The following ABCA13 variants were observed in gnomAD, a reference collection of about 807,000 sequenced individuals.
ABCA13 encodes ATP-binding cassette sub-family A member 13.
ABCA13 carries 476 observed loss-of-function variants against 478.7 expected under a neutral mutation model. That is an observed-to-expected ratio of 0.99 (90% CI 0.92 to 1.07). The LOEUF (loss-of-function observed/expected upper bound fraction) is 1.07, where lower values mean the gene tolerates loss of function less well. ABCA13 is among the 50% of genes least tolerant of loss of function. The probability of loss-of-function intolerance (pLI) is 0.00; values close to 1 mark genes in which losing one functional copy is unlikely to be tolerated. For synonymous variants in ABCA13, 2,252 were observed against 2,158.9 expected, an observed-to-expected ratio of 1.04 and a Z score of -1.20; for missense variants, 6,060 against 5,910.6, an observed-to-expected ratio of 1.03 and a Z score of -0.83.
At chr7:48,372,979 A>C (rs1052084444) in intron 33 of ABCA13, among the ~76,000 whole-genome samples, 1 of 152,212 alleles carries the variant, frequency 6.6e-6, no homozygotes, top group African/African-American at 2.4e-5. Flanking sequence ...TGTAACATCA[A>C]ATACGTAGAA....
chr7:48,500,545 A>G lies in ABCA13; in HGVS notation c.13292-5791A>G, dbSNP rs368674009. Among the ~76,000 whole-genome samples the G allele has an allele frequency of 1.3e-4, 20 of 152,304 alleles. 1 individual carries two copies. In the South Asian group the frequency reaches 3.9e-3, roughly 30 times the overall value. ...ACCAATTTAAAGATATATTTGCTTG[A>G]TTTTTAATGTATGTTTAATTCTATG... On this transcript the variant is annotated intron_variant, in intron 48 of 61. Coordinates refer to ENST00000435803, the MANE Select transcript of ABCA13 (RefSeq NM_152701.5).
rs116245503 is a variant in ABCA13 at position 48,417,017 on chromosome 7, A to G, written c.12459+4434A>G. ...AGTTTTTATTTTTCCCATAGTCATG[A>G]TGTTCATGGTGACATAATTTCTTTT... On this transcript the variant is annotated intron_variant, in intron 41 of 61. Transcript: ENST00000435803. 4.7e-3 allele frequency among the ~76,000 whole-genome samples: 713 copies of G among 151,676 alleles called. 7 individuals carry two copies. Among genetic ancestry groups the G allele is most frequent in the African/African-American group, 0.016 (659 of 41,302 alleles).
chr7:48,595,296 CT>C (rs1790168923), intron 58 of ABCA13, among the ~76,000 whole-genome samples: 1 of 152,148 alleles, frequency 6.6e-6, no homozygotes, highest in South Asian at 2.1e-4. Context: ...TTCTTTTTAA[CT>C]TTCTAATACA....
intron 45 of ABCA13, among the ~76,000 whole-genome samples, chr7:48,478,949 T>C (rs1828445571): frequency 3.2e-5 from 1 of 30,992 alleles, no homozygotes; most frequent in South Asian, 1.0e-3. Context: ...AAATCTACTC[T>C]TTTTTTTTTT....
chr7:48,350,962 C>T, intron 30 of ABCA13, 143 bp downstream of exon 30: 5 of 925,680 alleles, frequency 5.4e-6, no homozygotes, highest in Non-Finnish European at 7.9e-6. Context: ...TAAAGCAGAA[C>T]TGTTTACCTT....
chr7:48,625,328 T>G (rs1442815098), intron 59 of ABCA13, among the ~76,000 whole-genome samples: 1 of 152,200 alleles, frequency 6.6e-6, no homozygotes, highest in Non-Finnish European at 1.5e-5. Flanking sequence ...ATTCAGTATG[T>G]TTATGTCACT....
chr7:48,278,200 A>G lies in ABCA13; in HGVS notation c.7006A>G (p.Ile2336Val), dbSNP rs757736376. 3 of 1,598,320 alleles carry G rather than the reference A, an allele frequency of 1.9e-6. No individual in the cohort carries two copies. The highest frequency in any genetic ancestry group is 3.4e-5 in the Admixed American group (2 of 58,714). Residue 2336 changes from isoleucine to valine, a missense_variant, in exon 18 of 62, where the codon ATA becomes GTA. This residue lies in a region of ABCA13 where 4,423 missense variants were observed against 4,309.1 expected (regional missense o/e 1.03). Coordinates refer to ENST00000435803, the MANE Select transcript of ABCA13 (RefSeq NM_152701.5). ...CATTTTTTCAAGTTTAAAGGAGACT[A>G]TATATCACCTAATGAAAAGTTCATT... Reference protein sequence around the residue: ...MNIFSSLKETIYHLMKSSFIL... With the variant: ...MNIFSSLKETVYHLMKSSFIL...
intron 41 of ABCA13, among the ~76,000 whole-genome samples, chr7:48,426,524 A>C (rs756108098): frequency 5.3e-5 from 8 of 152,182 alleles, no homozygotes; most frequent in Admixed American, 1.3e-4. Flanking sequence ...GTGTGGGCTG[A>C]GATCTGTATA....
chr7:48,252,262 T>G (rs960446579), intron 15 of ABCA13, among the ~76,000 whole-genome samples: 2 of 152,162 alleles, frequency 1.3e-5, no homozygotes, highest in Non-Finnish European at 2.9e-5. Flanking sequence ...TTGTGGGTTC[T>G]TTCTTTTGCC....
chr7:48,448,519 A>G (rs923384772), intron 42 of ABCA13, among the ~76,000 whole-genome samples: 27 of 152,208 alleles, frequency 1.8e-4, no homozygotes, highest in African/African-American at 5.5e-4. Context: ...TACTAATTTG[A>G]TCTTTTGACA....
chr7:48,351,329 T>A (rs1215791464), intron 30 of ABCA13, among the ~76,000 whole-genome samples: 1 of 152,246 alleles, frequency 6.6e-6, no homozygotes. Context: ...ATTGAATTAT[T>A]TTTAATTGAG....
chr7:48,204,561 G>C (rs1195710800), intron 3 of ABCA13, among the ~76,000 whole-genome samples: 1 of 152,146 alleles, frequency 6.6e-6, no homozygotes, highest in Non-Finnish European at 1.5e-5. Context: ...AACAGCATTA[G>C]ATTCGCCAGG....
At chr7:48,543,431 C>G (rs530635697) in intron 55 of ABCA13, among the ~76,000 whole-genome samples, 2 of 151,754 alleles carry the variant, frequency 1.3e-5, no homozygotes, top group East Asian at 3.9e-4. Context: ...CGAGACCAGC[C>G]TGGCCAGCAT....
Position 48,273,745 on chromosome 7 carries a change from A to T in ABCA13, c.4079A>T (p.Asp1360Val), listed in dbSNP as rs960698101. 1.1e-5 allele frequency: 17 copies of T among 1,610,502 alleles called. No homozygotes were observed. The African/African-American group carries it at 1.7e-4, about 16-fold the overall frequency. Residue 1360 changes from aspartate (D) to valine (V), a missense_variant, in exon 17 of 62, where the codon GAT becomes GTT. By Grantham distance (152) the Asp-to-Val change is radical (BLOSUM62 -3). Around this residue, in one of 3 missense-constraint regions of ABCA13, gnomAD observed 4,423 missense variants for 4,309.1 expected, o/e 1.03. Coordinates refer to ENST00000435803, the MANE Select transcript of ABCA13 (RefSeq NM_152701.5). ...AATGTTACTGAGTGTATTTTAGAAGATGGCTTTTTATATGTAAATACCTCA... is the reference window on the plus strand; with the variant it reads ...AATGTTACTGAGTGTATTTTAGAAGTTGGCTTTTTATATGTAAATACCTCA... ...FQNVTECILE[D>V]GFLYVNTSQR...
intron 5 of ABCA13, among the ~76,000 whole-genome samples, chr7:48,223,817 C>T (rs1009778344): frequency 6.6e-6 from 1 of 151,762 alleles, no homozygotes; most frequent in African/African-American, 2.4e-5. Context: ...ATGATCCAGG[C>T]GCGTAATGGC....
At chr7:48,480,062 A>G (rs1471282841) in intron 45 of ABCA13, among the ~76,000 whole-genome samples, 1 of 152,178 alleles carries the variant, frequency 6.6e-6, no homozygotes, top group East Asian at 1.9e-4. Context: ...CATTTCTCTC[A>G]CCTGAGTTTC....
chr7:48,411,964 G>T (rs570845735), intron 40 of ABCA13, among the ~76,000 whole-genome samples: 1 of 152,032 alleles, frequency 6.6e-6, no homozygotes, highest in African/African-American at 2.4e-5. Flanking sequence ...GAGAATTCTT[G>T]TCTCCCTTTT....
Position 48,282,972 on chromosome 7 carries a change from C to T in ABCA13, c.8836+1520C>T, listed in dbSNP as rs555091454. Among the ~76,000 whole-genome samples the T allele has an allele frequency of 2.0e-5, 3 of 152,282 alleles. No individual in the cohort carries two copies. In the East Asian group the frequency reaches 5.8e-4, roughly 29 times the overall value. ...AGTGCCAGAAGCTCTTCTATACTTA[C>T]GTCATGTTTCACTGGAATTACCAAA... On this transcript the variant is annotated intron_variant, in intron 19 of 61. Transcript: ENST00000435803.
intron 5 of ABCA13, among the ~76,000 whole-genome samples, chr7:48,225,138 T>TGCCTGCCTGCCTGCCTTCCC (rs1435550421): frequency 9.0e-6 from 1 of 111,200 alleles, no homozygotes; most frequent in African/African-American, 3.6e-5. Flanking sequence ...CCTGCCTGCC[T>TGCCTGCCTGCCTGCCTTCCC]TCCTTCCTTC....
Sources: allele counts gnomAD v4.1 joint callset (sites outside exome capture counted in the v4.1 genomes callset), GRCh38; gene constraint gnomAD v4.1.1; regional missense constraint gnomAD v4.1.1; transcripts MANE v1.5; gene names NCBI Gene and HGNC (gene_info 2026-07-23, HGNC 2026-07-21).